Variants in XKR6 observed in about 807,000 individuals in gnomAD.
XKR6 encodes the protein XK-related protein 6.
XKR6 carries 22 observed loss-of-function variants against 56.7 expected under a neutral mutation model. That is an observed-to-expected ratio of 0.39 (90% confidence interval 0.28 to 0.55). The LOEUF (loss-of-function observed/expected upper bound fraction) is 0.55, where lower values mean the gene tolerates loss of function less well. Ranked by LOEUF, XKR6 falls within the 20% of genes least tolerant of loss-of-function variation. XKR6 has a pLI of 0.66. For synonymous variants in XKR6, 524 were observed against 387.8 expected (o/e 1.35, Z -4.13); for missense variants, 852 against 889.0 (o/e 0.96, Z 0.53).
At chr8:11,099,444 G>A (rs2129175450) in intron 1 of XKR6, among the ~76,000 whole-genome samples, 1 of 152,358 alleles carries the variant, frequency 6.6e-6, no homozygotes, top group East Asian at 1.9e-4. Context: ...TGAAAATTCT[G>A]GGAGAGAAGG....
At chr8:11,167,912 A>G (rs1802168453) in intron 1 of XKR6, among the ~76,000 whole-genome samples, 2 of 131,784 alleles carry the variant, frequency 1.5e-5, no homozygotes, top group Admixed American at 1.5e-4. Context: ...AAAAAAAAAA[A>G]CCACACACAA....
chr8:11,147,357 CT>C (rs1406263909), intron 1 of XKR6, among the ~76,000 whole-genome samples: 2 of 152,154 alleles, frequency 1.3e-5, no homozygotes, highest in African/African-American at 2.4e-5. Flanking sequence ...TCAACGGACA[CT>C]TCACTAAAGA....
chr8:11,111,756 T>G (rs1176608130), intron 1 of XKR6: 3 of 152,176 alleles, frequency 2.0e-5, no homozygotes, highest in African/African-American at 7.2e-5. Context: ...TATACTTTAA[T>G]GAAATCTACT....
chr8:11,004,968 A>C (rs1798331225), intron 1 of XKR6, among the ~76,000 whole-genome samples: 1 of 152,192 alleles, frequency 6.6e-6, no homozygotes, highest in Non-Finnish European at 1.5e-5. Context: ...TTCTACTTAA[A>C]TGACGTACCA....
At chr8:10,942,415 G>A (rs1387139339) in intron 1 of XKR6, among the ~76,000 whole-genome samples, 1 of 152,214 alleles carries the variant, frequency 6.6e-6, no homozygotes, top group Non-Finnish European at 1.5e-5. Context: ...CAGCCAGCCT[G>A]GATTGCTGTG....
chr8:11,059,019 A>G (rs1799758482), intron 1 of XKR6, among the ~76,000 whole-genome samples: 1 of 152,214 alleles, frequency 6.6e-6, no homozygotes, highest in South Asian at 2.1e-4. Context: ...CAGAAAGTTG[A>G]AATAGCGGCC....
At chr8:11,176,332 T>G (rs1279415237) in intron 1 of XKR6, among the ~76,000 whole-genome samples, 1 of 152,208 alleles carries the variant, frequency 6.6e-6, no homozygotes, top group African/African-American at 2.4e-5. Flanking sequence ...AACGGAGGTT[T>G]AGCTGAGTCA....
At chr8:11,091,608 G>A (rs566190637) in intron 1 of XKR6, among the ~76,000 whole-genome samples, 6 of 152,302 alleles carry the variant, frequency 3.9e-5, no homozygotes, top group Admixed American at 2.6e-4. Context: ...AGGAATAGGG[G>A]AGGAGGCAGT....
intron 1 of XKR6, among the ~76,000 whole-genome samples, chr8:10,986,565 G>A (rs534900769): frequency 6.6e-6 from 1 of 152,118 alleles, no homozygotes; most frequent in African/African-American, 2.4e-5. Flanking sequence ...GTAGATTTTG[G>A]TAGTTTTTGA....
chr8:10,981,736 C>T (rs895226194), intron 1 of XKR6, among the ~76,000 whole-genome samples: 1 of 152,202 alleles, frequency 6.6e-6, no homozygotes, highest in African/African-American at 2.4e-5. Context: ...TAAGCAATTT[C>T]TTCCTTATAG....
intron 2 of XKR6, among the ~76,000 whole-genome samples, chr8:10,914,985 G>C (rs536412067): frequency 1.3e-5 from 2 of 152,258 alleles, no homozygotes; most frequent in Admixed American, 1.3e-4. Flanking sequence ...TGCACATCTC[G>C]GCCCCACCCT....
intron 1 of XKR6, among the ~76,000 whole-genome samples, chr8:10,956,364 C>T (rs1242147314): frequency 1.3e-5 from 2 of 152,110 alleles, no homozygotes; most frequent in African/African-American, 2.4e-5. Flanking sequence ...GCTTGCCAGG[C>T]GTCTATCCCT....
chr8:11,151,134 C>A (rs187245968), intron 1 of XKR6, among the ~76,000 whole-genome samples: 2 of 152,224 alleles, frequency 1.3e-5, no homozygotes, highest in Admixed American at 1.3e-4. Context: ...GATATTCTTC[C>A]AGTTCCTCTT....
intron 1 of XKR6, among the ~76,000 whole-genome samples, chr8:11,103,550 T>C (rs1231860976): frequency 6.6e-6 from 1 of 152,202 alleles, no homozygotes; most frequent in Non-Finnish European, 1.5e-5. Context: ...GGCATGCTAA[T>C]CCATTCTGTG....
intron 1 of XKR6, among the ~76,000 whole-genome samples, chr8:11,168,990 T>A (rs532388299): frequency 1.3e-5 from 2 of 152,328 alleles, no homozygotes; most frequent in South Asian, 2.1e-4. Flanking sequence ...CAAGCCTCTA[T>A]GAATCATCGC....
At chr8:10,968,684 G>A (rs371417766) in intron 1 of XKR6, among the ~76,000 whole-genome samples, 25 of 152,184 alleles carry the variant, frequency 1.6e-4, no homozygotes, top group East Asian at 7.7e-4. Context: ...TGACCCCATC[G>A]GATAAAACCA....
At chr8:11,113,425 G>A (rs1799003774) in intron 1 of XKR6, among the ~76,000 whole-genome samples, 1 of 152,268 alleles carries the variant, frequency 6.6e-6, no homozygotes, top group Admixed American at 6.5e-5. Context: ...AGAAGCCACT[G>A]TATTATCTTC....
chr8:11,110,180 C>G (rs983305370), intron 1 of XKR6, among the ~76,000 whole-genome samples: 2 of 152,130 alleles, frequency 1.3e-5, no homozygotes, highest in African/African-American at 4.8e-5. Context: ...ACCATGTTGG[C>G]CAGGCTGGTC....
At chr8:11,094,130 G>A (rs1798183794) in intron 1 of XKR6, among the ~76,000 whole-genome samples, 1 of 150,878 alleles carries the variant, frequency 6.6e-6, no homozygotes, top group Non-Finnish European at 1.5e-5. Flanking sequence ...AGGCTGGAGT[G>A]CCGTGGTCAT....
Sources: gnomAD v4.1 joint callset for allele counts (sites outside exome capture counted in the v4.1 genomes callset) on GRCh38, gnomAD v4.1.1 for gene constraint, MANE v1.5 for transcripts, NCBI Gene and HGNC (gene_info 2026-07-23, HGNC 2026-07-21) for gene names.